TNNI3K: variants seen among roughly 807,000 people sequenced by gnomAD.
TNNI3K encodes TNNI3 interacting kinase, also known as serine/threonine-protein kinase TNNI3K.
TNNI3K carries 140 observed loss-of-function variants against 114.5 expected under a neutral mutation model. That is an observed-to-expected ratio of 1.22 (90% CI 1.07 to 1.41). The LOEUF is 1.41. TNNI3K is among the 40% of genes most tolerant of loss of function. TNNI3K has a pLI of 0.00. For missense variants in TNNI3K, 1,125 were observed against 1,007.6 expected, an observed-to-expected ratio of 1.12 and a Z score of -1.58; for synonymous variants, 347 against 347.5, an observed-to-expected ratio of 1.00 and a Z score of 0.02.
intron 20 of TNNI3K, among the ~76,000 whole-genome samples, chr1:74,456,177 G>T (rs1377243966): frequency 1.3e-5 from 2 of 152,220 alleles, no homozygotes; most frequent in African/African-American, 4.8e-5. Flanking sequence ...AGAGAAAGGA[G>T]ATATTGGTTT....
At chr1:74,454,196 T>A (rs1570642386) in intron 20 of TNNI3K, among the ~76,000 whole-genome samples, 1 of 152,196 alleles carries the variant, frequency 6.6e-6, no homozygotes, top group East Asian at 1.9e-4. Context: ...GACTTAAGCA[T>A]TTATCATTTC....
chr1:74,412,664 G>A (rs1324894150), intron 17 of TNNI3K, among the ~76,000 whole-genome samples: 1 of 152,096 alleles, frequency 6.6e-6, no homozygotes, highest in Non-Finnish European at 1.5e-5. Flanking sequence ...TCCCAGGCTG[G>A]AGTGTAGTGG....
At chr1:74,239,945 C>T (rs951997431) in intron 2 of TNNI3K, 4 of 469,336 alleles carry the variant, frequency 8.5e-6, no homozygotes, top group East Asian at 7.0e-5. Flanking sequence ...TAACTTTGGA[C>T]ATTTGTTTAG....
At chr1:74,241,359 AC>A (rs1480539441) in intron 2 of TNNI3K, among the ~76,000 whole-genome samples, 1 of 152,212 alleles carries the variant, frequency 6.6e-6, no homozygotes, top group Non-Finnish European at 1.5e-5. Context: ...CATCACACTG[AC>A]TTCCACAATG....
intron 5 of TNNI3K, among the ~76,000 whole-genome samples, chr1:74,285,314 T>C (rs1657261821): frequency 6.6e-6 from 1 of 152,186 alleles, no homozygotes; most frequent in African/African-American, 2.4e-5. Context: ...TCTCCTACCT[T>C]TTCAGCCCTG....
chr1:74,535,955 CA>C (rs1284204011), intron 23 of TNNI3K, among the ~76,000 whole-genome samples: 1 of 151,996 alleles, frequency 6.6e-6, no homozygotes, highest in Admixed American at 6.6e-5. Flanking sequence ...TTATCTTCAT[CA>C]AAAAAATAAT....
chr1:74,489,655 G>T (rs1668949992), intron 22 of TNNI3K, among the ~76,000 whole-genome samples: 1 of 152,124 alleles, frequency 6.6e-6, no homozygotes, highest in South Asian at 2.1e-4. Flanking sequence ...AATAAAATAT[G>T]TTCATAAATT....
intron 17 of TNNI3K, among the ~76,000 whole-genome samples, chr1:74,383,527 C>T (rs767591960): frequency 1.4e-4 from 22 of 152,016 alleles, no homozygotes; most frequent in Non-Finnish European, 2.8e-4. Context: ...AGGAAGCCCT[C>T]CTACACGTTC....
intron 5 of TNNI3K, among the ~76,000 whole-genome samples, chr1:74,330,358 A>G (rs574477408): frequency 1.3e-5 from 2 of 152,260 alleles, no homozygotes; most frequent in South Asian, 4.1e-4. Flanking sequence ...CTAGACACTT[A>G]TCAGCCCAGA....
intron 1 of TNNI3K, 55 bp downstream of exon 1, chr1:74,235,546 T>G (rs1433074007): frequency 1.1e-6 from 1 of 933,460 alleles, no homozygotes. Context: ...CAATTATAGT[T>G]ACTGATAACT....
At chr1:74,391,280 A>G (rs1308578745) in intron 17 of TNNI3K, among the ~76,000 whole-genome samples, 2 of 152,208 alleles carry the variant, frequency 1.3e-5, no homozygotes, top group African/African-American at 4.8e-5. Flanking sequence ...ATTAGGGAGA[A>G]AAGGGCAAAA....
intron 2 of TNNI3K, chr1:74,240,303 T>A (rs1252635613): frequency 1.9e-5 from 3 of 161,578 alleles, no homozygotes; most frequent in African/African-American, 7.2e-5. Context: ...ATGGTGTATA[T>A]GTAAAGTGCT....
chr1:74,343,537 T>C (rs1660854921), intron 9 of TNNI3K, among the ~76,000 whole-genome samples: 1 of 152,228 alleles, frequency 6.6e-6, no homozygotes, highest in Non-Finnish European at 1.5e-5. Flanking sequence ...ATAATCCTCC[T>C]CCAACAAGAA....
At chr1:74,319,484 TATAGAGAGATGGATTC>T (rs761077243) in intron 5 of TNNI3K, among the ~76,000 whole-genome samples, 20 of 152,258 alleles carry the variant, frequency 1.3e-4, no homozygotes, top group South Asian at 2.1e-4. Context: ...ATATCAAATA[TATAGAGAGATGGATTC>T]ATAGAGAGAT....
rs1309023862 is a variant in TNNI3K, at chr1:74,478,794, A to G, written c.2122-10395A>G. ...TTGGGATATCTATTAATTATCCACC[A>G]GTGCTAGTATTCTAAGAAGCACATT... On this transcript the variant is annotated intron_variant, in intron 21 of 24. Transcript: ENST00000326637. 5.3e-5 allele frequency among the ~76,000 whole-genome samples: 8 copies of G among 152,216 alleles called. 1 individual carries two copies. Among genetic ancestry groups the G allele is most frequent in the Non-Finnish European group, 1.2e-4 (8 of 68,040 alleles).
chr1:74,297,722 G>A (rs1048922691), intron 5 of TNNI3K, among the ~76,000 whole-genome samples: 3 of 151,996 alleles, frequency 2.0e-5, no homozygotes, highest in Non-Finnish European at 4.4e-5. Context: ...TGTCAGGGTA[G>A]TCGTATTTCT....
At chr1:74,240,013 A>G in intron 2 of TNNI3K, 35 of 469,056 alleles carry the variant, frequency 7.5e-5, no homozygotes, top group South Asian at 5.3e-4. Flanking sequence ...GGAGAAAGAA[A>G]GACAGAAAGG....
intron 17 of TNNI3K, chr1:74,376,745 C>G (rs1159932198): frequency 6.6e-6 from 1 of 151,810 alleles, no homozygotes; most frequent in South Asian, 2.1e-4. Flanking sequence ...CAGATCATAA[C>G]ACTTTTTCCA....
At chr1:74,437,504 C>A (rs776327235) in intron 19 of TNNI3K, among the ~76,000 whole-genome samples, 7 of 151,604 alleles carry the variant, frequency 4.6e-5, no homozygotes, top group Non-Finnish European at 1.0e-4. Context: ...TGAAGGAAAA[C>A]GTTAACATTT....
Sources: allele counts gnomAD v4.1 joint callset (sites outside exome capture counted in the v4.1 genomes callset), GRCh38; gene constraint gnomAD v4.1.1; transcripts MANE v1.5; gene names NCBI Gene and HGNC (gene_info 2026-07-23, HGNC 2026-07-21).